The following TTN variants were observed in gnomAD, a reference collection of about 807,000 sequenced individuals.
TTN encodes the protein connectin.
TTN carries 1,525 observed loss-of-function variants against 3,223.0 expected under a neutral mutation model. The ratio of observed to expected loss-of-function variants is 0.47; its 90% CI spans 0.45 to 0.49. The LOEUF is 0.49. Among genes scored for constraint, TTN ranks in the 20% least tolerant of loss-of-function variants. The pLI is 0.00. For missense variants in TTN, 40,786 were observed against 43,424.0 expected (o/e 0.94, Z 5.40); for synonymous variants, 14,094 against 15,161.0 (o/e 0.93, Z 5.17).
Position 178,735,844 on chromosome 2 carries a change from T to A in TTN, c.14602A>T (p.Lys4868Ter). ...TIQDRGVYSC[K>*]ASNKFGADIC... Reference sequence around the variant, plus strand: ...TCTGCTCCAAACTTGTTGGAAGCCTTACAAGAATAAACTCCTCTATCTTGA... The same window carrying A: ...TCTGCTCCAAACTTGTTGGAAGCCTAACAAGAATAAACTCCTCTATCTTGA... Residue 4868 changes from lysine to a stop codon, truncating the protein, a stop_gained, in exon 50 of 363, where the codon AAG becomes TAG. Coordinates refer to ENST00000589042, the MANE Select transcript of TTN (RefSeq NM_001267550.2). LOFTEE classifies it high-confidence loss of function. 6.2e-7 allele frequency: 1 copy of A among 1,613,840 alleles called. No homozygotes were observed. The highest frequency in any genetic ancestry group is 8.5e-7 in the Non-Finnish European group (1 of 1,179,816).
Position 178,713,167 on chromosome 2 carries a change from T to C in TTN, c.26967A>G (p.Glu8989=). ...NTCALTVNML[E]ESDSGDYTCI... Reference sequence around the variant, plus strand: ...ATGTGTAGTCACCACTGTCTGATTCTTCCAGCATGTTCACAGTTAAAGCAC... The same window carrying C: ...ATGTGTAGTCACCACTGTCTGATTCCTCCAGCATGTTCACAGTTAAAGCAC... Residue 8989 remains glutamate, a synonymous_variant, in exon 93 of 363, where the codon GAA becomes GAG. Coordinates refer to ENST00000589042, the MANE Select transcript of TTN (RefSeq NM_001267550.2). 1.2e-6 allele frequency: 2 copies of C among 1,613,814 alleles called. No individual in the cohort carries two copies. Among genetic ancestry groups the C allele is most frequent in the Non-Finnish European group, 1.7e-6 (2 of 1,179,760 alleles).
chr2:178,777,420 C>T lies in TTN; in HGVS notation c.4645G>A (p.Ala1549Thr). The change falls in exon 26 of 363, where the codon GCT (alanine) becomes ACT (threonine). Residue 1549 changes from alanine (A) to threonine (T), a missense_variant and splice_region_variant. Coordinates refer to ENST00000589042, the MANE Select transcript of TTN (RefSeq NM_001267550.2). Reference protein sequence around the residue: ...SSISVILTVEAVEHQVKPMFV... With the variant: ...SSISVILTVETVEHQVKPMFV... ...TTATTTTTATTTTATCTCATTTTAC[C>T]TTCCACAGTTAAAATCACTGAAATT... The T allele has an allele frequency of 6.2e-7, 1 of 1,613,274 alleles. No individual in the cohort carries two copies. The highest frequency in any genetic ancestry group is 8.5e-7 in the Non-Finnish European group (1 of 1,179,682).
intron 222 of TTN, 21 bp from the exon 223 acceptor site, chr2:178,639,809 C>CA (rs2060988106): frequency 6.4e-7 from 1 of 1,553,710 alleles, no homozygotes; most frequent in Admixed American, 2.1e-5. Flanking sequence ...AAGTCCATTG[C>CA]ATTAGTGTAT....
intron 307 of TTN, 112 bp downstream of exon 307, chr2:178,587,006 C>T (rs977257631): frequency 2.5e-5 from 35 of 1,423,804 alleles, no homozygotes; most frequent in Non-Finnish European, 2.6e-5. Context: ...TACACTATTT[C>T]GGTCTCTACA....
rs762047392 is a variant in TTN at position 178,756,648 on chromosome 2, CTTCATA to C, written c.10822_10827del (p.Tyr3608_Glu3609del). On this transcript the variant is annotated inframe_deletion, in exon 46 of 363. Coordinates refer to ENST00000589042, the MANE Select transcript of TTN (RefSeq NM_001267550.2). ...TGAGATACACTTTCAAAAACCTGCA[CTTCATA>C]TTCATATGATGATCCTTGAAATGAC... 6.2e-6 allele frequency: 10 copies of C among 1,613,712 alleles called. No homozygotes were observed. Among genetic ancestry groups the C allele is most frequent in the Non-Finnish European group, 8.5e-6 (10 of 1,179,804 alleles).
Position 178,587,353 on chromosome 2 carries a change from G to C in TTN, c.63858C>G (p.Ser21286=). 6.2e-7 allele frequency: 1 copy of C among 1,611,906 alleles called. No homozygotes were observed. The highest frequency in any genetic ancestry group is 8.5e-7 in the Non-Finnish European group (1 of 1,179,038). The change falls in exon 307 of 363, where the codon TCC becomes TCG. Residue 21286 remains serine (S), a synonymous_variant. Transcript: ENST00000589042. ...SDVTKTSCHV[S]WAPPENDGGS... ...CACCGTCGTTTTCAGGAGGGGCCCAGGACACATGGCATGATGTTTTAGTGA... is the reference window on the plus strand; with the variant it reads ...CACCGTCGTTTTCAGGAGGGGCCCACGACACATGGCATGATGTTTTAGTGA...
In TTN at chr2:178,565,833, C is replaced by T. The variant is rs1559345492; in HGVS notation, c.80299G>A (p.Val26767Ile). ...VMAENEFGVG[V>I]PVETVDAVKA... ...ACGGCATCAACAGTTTCCACTGGAA[C>T]ACCAACTCCAAATTCATTTTCAGCC... is the stretch of plus-strand genomic sequence containing the variant. Residue 26767 changes from valine to isoleucine, a missense_variant, in exon 326 of 363, where the codon GTT becomes ATT. Physicochemically the swap from Val to Ile is conservative, Grantham distance 29 (BLOSUM62 3). Coordinates refer to ENST00000589042, the MANE Select transcript of TTN (RefSeq NM_001267550.2). 3 of 1,613,512 alleles carry T rather than the reference C, an allele frequency of 1.9e-6. No homozygotes were observed. Among genetic ancestry groups the T allele is most frequent in the Non-Finnish European group, 2.5e-6 (3 of 1,179,662 alleles).
Position 178,539,167 on chromosome 2 carries a change from TC to T in TTN, c.98767del (p.Asp32923MetfsTer58). On this transcript the variant is annotated frameshift_variant, in exon 353 of 363. Coordinates refer to ENST00000589042, the MANE Select transcript of TTN (RefSeq NM_001267550.2). LOFTEE classifies it high-confidence loss of function. ...GCCTGTGACTCTAGAACCACCATCA[TC>T]TTTGGGCCGGGACCAGGACAAGCTA... ...SVSLSWSRPKDDGGSRVTGYY... is the reference protein window; with the variant it reads ...SVSLSWSRPKXDGGSRVTGYY... The T allele has an allele frequency of 6.2e-7, 1 of 1,613,802 alleles. No individual in the cohort carries two copies. Among genetic ancestry groups the T allele is most frequent in the Non-Finnish European group, 8.5e-7 (1 of 1,179,762 alleles).
At position 178,532,474 on chromosome 2, in the gene TTN, T is replaced by G; in HGVS notation, c.104141A>C (p.Gln34714Pro). Reference sequence around the variant, plus strand: ...TGTTTCCTCCACCTTGACATGAGCTTGTGGTGAAGAGTAACGTAGGCTAGA... The same window carrying G: ...TGTTTCCTCCACCTTGACATGAGCTGGTGGTGAAGAGTAACGTAGGCTAGA... ...ELSSLRYSSP[Q>P]AHVKVEETRK... The change falls in exon 358 of 363, where the codon CAA (glutamine) becomes CCA (proline). Residue 34714 changes from glutamine (Q) to proline (P), a missense_variant. Physicochemically the swap from Gln to Pro is moderately conservative, Grantham distance 76. Coordinates refer to ENST00000589042, the MANE Select transcript of TTN (RefSeq NM_001267550.2). 1 of 1,613,968 alleles carries G rather than the reference T, an allele frequency of 6.2e-7. No individual in the cohort carries two copies. Among genetic ancestry groups the G allele is most frequent in the South Asian group, 1.1e-5 (1 of 91,080 alleles).
At position 178,594,345 on chromosome 2, in the gene TTN, C is replaced by A. The variant is rs752861529; in HGVS notation, c.58149G>T (p.Leu19383=). ...CTKPITCKDE[L]APPTLHLDFR... ...GTATAAATTGTAGTAGACACATACC[C>A]AGCTCATCCTTGCAAGTAATTGGTT... Residue 19383 remains leucine, a splice_region_variant and synonymous_variant, in exon 296 of 363, where the codon CTG becomes CTT. Transcript: ENST00000589042. The A allele has an allele frequency of 4.3e-5, 69 of 1,592,596 alleles. No homozygotes were observed. The highest frequency in any genetic ancestry group is 5.8e-5 in the Non-Finnish European group (68 of 1,170,460).
Position 178,563,650 on chromosome 2 carries a change from T to C in TTN, c.82482A>G (p.Val27494=), listed in dbSNP as rs963840190. Residue 27494 remains valine, a synonymous_variant, in exon 326 of 363, where the codon GTA becomes GTG. Coordinates refer to ENST00000589042, the MANE Select transcript of TTN (RefSeq NM_001267550.2). The surrounding 1 kb of genome is among the most constrained non-coding windows in gnomAD (Gnocchi z 4.5). The part of the protein sequence containing the change: ...DSMVVTWARP[V]DDGGTEIEGY... ...CCTCAATTTCGGTACCTCCGTCGTC[T>C]ACTGGGCGTGCCCATGTTACTACCA... 4 of 1,613,830 alleles carry C rather than the reference T, an allele frequency of 2.5e-6. No individual in the cohort carries two copies. The South Asian group carries it at 3.3e-5, about 13-fold the overall frequency.
chr2:178,746,708 A>G (rs1264239128), intron 47 of TTN: 2 of 1,613,322 alleles, frequency 1.2e-6, no homozygotes, highest in African/African-American at 1.3e-5. Flanking sequence ...CACTCTTTCC[A>G]TTTTGATTCT....
In TTN at chr2:178,549,998, C is replaced by T. The variant is rs781781702; in HGVS notation, c.91840G>A (p.Val30614Met). ...ASGSAKAEIK[V>M]KVQDTPGKVV... Reference sequence around the variant, plus strand: ...ATTTTAAAAGTACCTTGTACTTTCACTTTAATTTCTGCTTTTGCAGAACCA... The same window carrying T: ...ATTTTAAAAGTACCTTGTACTTTCATTTTAATTTCTGCTTTTGCAGAACCA... Residue 30614 changes from valine to methionine, a missense_variant, in exon 337 of 363, where the codon GTG becomes ATG. Physicochemically the swap from Val to Met is conservative, Grantham distance 21 (BLOSUM62 1). Transcript: ENST00000589042. 2.5e-6 allele frequency: 4 copies of T among 1,607,954 alleles called. No individual in the cohort carries two copies. Among genetic ancestry groups the T allele is most frequent in the Non-Finnish European group, 3.4e-6 (4 of 1,175,702 alleles).
rs774457031 is a variant in TTN, at chr2:178,573,778, T to C, written c.72354A>G (p.Lys24118=). Residue 24118 remains lysine (K), a synonymous_variant, in exon 326 of 363, where the codon AAA becomes AAG. Coordinates refer to ENST00000589042, the MANE Select transcript of TTN (RefSeq NM_001267550.2). The part of the protein sequence containing the change: ...GGFAKHIFNV[K]VLDRPGPPEG... The stretch of plus-strand genomic sequence containing the variant: ...CAGGTGGGCCTGGTCTGTCAAGAAC[T>C]TTGACATTGAAAATGTGTTTAGCAA... 3.7e-6 allele frequency: 6 copies of C among 1,608,330 alleles called. No individual in the cohort carries two copies. Among genetic ancestry groups the C allele is most frequent in the Non-Finnish European group, 5.1e-6 (6 of 1,176,938 alleles).
chr2:178,726,068 C>A, intron 69 of TTN, 22 bp from the exon 70 acceptor site: 1 of 1,498,782 alleles, frequency 6.7e-7, no homozygotes, highest in South Asian at 1.4e-5. Flanking sequence ...AAGAATTTCT[C>A]ATGAATTGGG....
chr2:178,678,819 G>C lies in TTN; in HGVS notation c.33754C>G (p.Pro11252Ala). 2 of 1,593,358 alleles carry C rather than the reference G, an allele frequency of 1.3e-6. No homozygotes were observed. The highest frequency in any genetic ancestry group is 1.7e-6 in the Non-Finnish European group (2 of 1,173,194). ...TTCTCCTCTGGCACAGGTTTCTTGG[G>C]CACTTCAGGAACTTCAAAGATATCA... ...KPPPAKVPEV[P>A]KKPVPEEKVP... Residue 11252 changes from proline to alanine, a missense_variant, in exon 143 of 363, where the codon CCC becomes GCC. Transcript: ENST00000589042.
chr2:178,699,881 C>A (rs1213305437), intron 111 of TTN, among the ~76,000 whole-genome samples: 1 of 150,672 alleles, frequency 6.6e-6, no homozygotes, highest in Non-Finnish European at 1.5e-5. Flanking sequence ...GTGCCCACCA[C>A]CACGCCCGGC....
Position 178,618,603 on chromosome 2 carries a change from G to A in TTN, c.46947C>T (p.Phe15649=), listed in dbSNP as rs773418004. The A allele has an allele frequency of 6.2e-7, 1 of 1,611,926 alleles. No homozygotes were observed. The change falls in exon 251 of 363, where the codon TTC becomes TTT. Residue 15649 remains phenylalanine (F), a synonymous_variant. Transcript: ENST00000589042. The stretch of plus-strand genomic sequence containing the variant: ...GCTTACCAATAACTTTTAAATTGAT[G>A]AATCCTTCTGCTTTTCCATGTTTGT... The part of the protein sequence containing the change: ...LQNKHGKAEG[F]INLKVIDVPG...
At chr2:178,529,298 A>G in intron 359 of TTN, 79 bp from the exon 360 acceptor site, 1 of 1,131,624 alleles carries the variant, frequency 8.8e-7, no homozygotes, top group South Asian at 2.1e-5. Flanking sequence ...CTGCGTGTGA[A>G]AAACATAAAA....
Sources: gnomAD v4.1 joint callset for allele counts (sites outside exome capture counted in the v4.1 genomes callset) on GRCh38, gnomAD v4.1.1 for gene constraint, Gnocchi (gnomAD v3.1) non-coding constraint, MANE v1.5 for transcripts, NCBI Gene and HGNC (gene_info 2026-07-23, HGNC 2026-07-21) for gene names.